Variants in RACK1 observed in about 807,000 individuals in gnomAD.
RACK1 encodes small ribosomal subunit protein RACK1.
Under a neutral mutation model 42.2 loss-of-function variants are expected in RACK1, and 3 were observed. That is an observed-to-expected ratio of 0.07 (90% confidence interval 0.03 to 0.18). The LOEUF (loss-of-function observed/expected upper bound fraction) is 0.18. RACK1 is among the 10% of genes least tolerant of loss of function. The probability of loss-of-function intolerance (pLI) is 1.00; values close to 1 mark genes in which losing one functional copy is unlikely to be tolerated. For synonymous variants in RACK1, 181 were observed against 154.8 expected (o/e 1.17, Z -1.25); for missense variants, 146 against 403.2 (o/e 0.36, Z 5.46).
intron 4 of RACK1, 154 bp downstream of exon 4, chr5:181,239,333 A>G (rs1438212552): frequency 5.2e-6 from 4 of 763,712 alleles, no homozygotes; most frequent in African/African-American, 5.1e-5. Flanking sequence ...CACATATCCA[A>G]TGCAGTGTGC....
rs1759453723 is a variant in RACK1, at chr5:181,243,898, GAA to G, written c.-100_-99del. The G allele has an allele frequency of 6.9e-7, 1 of 1,452,652 alleles. No individual in the cohort carries two copies. Among genetic ancestry groups the G allele is most frequent in the Non-Finnish European group, 9.1e-7 (1 of 1,102,034 alleles). 90.0% of individuals were successfully genotyped at this position (1,452,652 alleles called of 1,614,324 possible). A position where few individuals can be genotyped will look rare whatever the true frequency, so the allele number is the denominator to read the frequency against. ...ACCTCTCCTGCCGCCGCCTTGCAGT[GAA>G]AGAGAGAGAGAAAAGCCCCCCGCCG... On this transcript the variant is annotated 5_prime_UTR_variant, in exon 1 of 8. Coordinates refer to ENST00000512805, the MANE Select transcript of RACK1 (RefSeq NM_006098.5).
intron 7 of RACK1, 35 bp downstream of exon 7, chr5:181,237,574 G>C (rs989821462): frequency 3.8e-6 from 4 of 1,054,344 alleles, no homozygotes; most frequent in African/African-American, 1.6e-5. Context: ...AAATTAACTG[G>C]AAGCAGAATC....
chr5:181,241,893 C>T lies in RACK1; in HGVS notation c.282-254G>A, dbSNP rs759787665. The T allele has an allele frequency of 3.9e-6, 3 of 766,862 alleles. No individual in the cohort carries two copies. In the South Asian group the frequency reaches 4.1e-5, roughly 10 times the overall value. The allele number at this position is 766,862 out of a possible 1,614,324, so 47.5% of individuals were successfully genotyped here. A position where few individuals can be genotyped will look rare whatever the true frequency, so the allele number is the denominator to read the frequency against. On this transcript the variant is annotated intron_variant, in intron 2 of 7. Coordinates refer to ENST00000512805, the MANE Select transcript of RACK1 (RefSeq NM_006098.5). ...AATGCCATCTGTCATCACCAGGACCCTCTAATTCCACCTGCCAATTACCTG... is the reference window on the plus strand; with the variant it reads ...AATGCCATCTGTCATCACCAGGACCTTCTAATTCCACCTGCCAATTACCTG...
At chr5:181,237,746 A>T (rs1759193722) in intron 6 of RACK1, 27 bp from the exon 7 acceptor site, 2 of 1,166,268 alleles carry the variant, frequency 1.7e-6, no homozygotes, top group Non-Finnish European at 2.5e-6. Flanking sequence ...AAGCAACCTT[A>T]AGACTTACCA....
intron 3 of RACK1, 33 bp downstream of exon 3, chr5:181,241,459 G>A: frequency 2.6e-6 from 4 of 1,533,760 alleles, no homozygotes; most frequent in Non-Finnish European, 2.7e-6. Flanking sequence ...GTTTAAGAGG[G>A]TGGAAGAGAT....
Position 181,238,173 on chromosome 5 carries a change from T to A in RACK1, c.703A>T (p.Ile235Phe). 1 of 1,614,140 alleles carries A rather than the reference T, an allele frequency of 6.2e-7. No homozygotes were observed. Among genetic ancestry groups the A allele is most frequent in the Non-Finnish European group, 8.5e-7 (1 of 1,180,010 alleles). ...GGGCTGAAGCACAGGGCGTTGATGA[T>A]GTCCCCACCATCTAGCGTGTAAAGG... ...KHLYTLDGGD[I>F]INALCFSPNR... The change falls in exon 6 of 8, where the codon ATC (isoleucine) becomes TTC (phenylalanine). Residue 235 changes from isoleucine to phenylalanine, a missense_variant. By Grantham distance (21) the Ile-to-Phe change is conservative. Transcript: ENST00000512805.
chr5:181,238,764 A>C (rs1582293684), intron 5 of RACK1: 1 of 390,416 alleles, frequency 2.6e-6, no homozygotes, highest in South Asian at 2.1e-5. Context: ...GCGCCACTGC[A>C]CTCCAGCCTT....
At chr5:181,237,104 T>C in intron 7 of RACK1, 62 bp from the exon 8 acceptor site, 1 of 1,606,178 alleles carries the variant, frequency 6.2e-7, no homozygotes, top group Non-Finnish European at 8.5e-7. Flanking sequence ...CTCACTAGAT[T>C]CAGCCCAAGT....
At chr5:181,241,257 T>C (rs1003757839) in intron 3 of RACK1, 6 of 439,044 alleles carry the variant, frequency 1.4e-5, no homozygotes, top group East Asian at 1.2e-4. Flanking sequence ...GGTGAAACCC[T>C]GTCTCTACTA....
rs566222261 is a variant in RACK1 at position 181,243,622 on chromosome 5, A to G, written c.109+70T>C. 8 of 1,518,720 alleles carry G rather than the reference A, an allele frequency of 5.3e-6. No individual in the cohort carries two copies. The East Asian group carries it at 2.0e-4, about 38-fold the overall frequency. The allele number at this position is 1,518,720 out of a possible 1,614,324, so 94.1% of individuals were successfully genotyped here. ...ACCGGCCTGCCACACCACACGCGGA[A>G]TTCCCTACACGACACGCGGAATCCC... On this transcript the variant is annotated intron_variant, in intron 1 of 7. Coordinates refer to ENST00000512805, the MANE Select transcript of RACK1 (RefSeq NM_006098.5).
rs1554104713 is a variant in RACK1 at position 181,241,779 on chromosome 5, C to CT, written c.282-141dup. ...TGGCTCTGATCACAGAGTCAAGTGA[C>CT]TGAGTATATGAAAGAGAAGAGCCAA... On this transcript the variant is annotated intron_variant, in intron 2 of 7. Transcript: ENST00000512805. 8.6e-5 allele frequency: 79 copies of CT among 914,658 alleles called. No homozygotes were observed. In the East Asian group the frequency reaches 1.9e-3, roughly 22 times the overall value. The allele number at this position is 914,658 out of a possible 1,614,324, so 56.7% of individuals were successfully genotyped here. A position where few individuals can be genotyped will look rare whatever the true frequency, so the allele number is the denominator to read the frequency against.
chr5:181,239,221 T>A, intron 4 of RACK1, 44 bp from the exon 5 acceptor site: 3 of 1,276,432 alleles, frequency 2.4e-6, no homozygotes, highest in Non-Finnish European at 3.4e-6. Context: ...TAGCTCTTGA[T>A]GAGCTAGGGT....
rs566974563 is a variant in RACK1 at position 181,237,097 on chromosome 5, A to G, written c.889-55T>C. The G allele has an allele frequency of 3.7e-6, 6 of 1,608,888 alleles. 1 individual carries two copies. The South Asian group carries it at 6.7e-5, about 18-fold the overall frequency. On this transcript the variant is annotated intron_variant, in intron 7 of 7. Coordinates refer to ENST00000512805, the MANE Select transcript of RACK1 (RefSeq NM_006098.5). ...AGGCTGGCATAAATTCTGCAGTCTCACTAGATTCAGCCCAAGTGGCTTTTT... is the reference window on the plus strand; with the variant it reads ...AGGCTGGCATAAATTCTGCAGTCTCGCTAGATTCAGCCCAAGTGGCTTTTT...
intron 3 of RACK1, among the ~76,000 whole-genome samples, chr5:181,240,795 T>TA (rs1310388270): frequency 5.9e-5 from 9 of 152,172 alleles, no homozygotes; most frequent in Admixed American, 1.3e-4. Flanking sequence ...ACCAGAGAGC[T>TA]AGGATTACAG....
intron 2 of RACK1, 69 bp from the exon 3 acceptor site, chr5:181,241,708 T>G: frequency 6.5e-7 from 1 of 1,542,628 alleles, no homozygotes; most frequent in Non-Finnish European, 8.9e-7. Flanking sequence ...ACTCATTTCC[T>G]GGGCTTTGTC....
chr5:181,243,813 A>G lies in RACK1; in HGVS notation c.-13T>C. The G allele has an allele frequency of 6.3e-7, 1 of 1,594,858 alleles. No individual in the cohort carries two copies. ...TCTGCTCAGTCATGGCGGCGGCGAG[A>G]GCGTGTGTCGCTGCAGCGACGAGGA... On this transcript the variant is annotated 5_prime_UTR_variant, in exon 1 of 8. Coordinates refer to ENST00000512805, the MANE Select transcript of RACK1 (RefSeq NM_006098.5).
At chr5:181,238,437 ACCCCT>A (rs1318333879) in intron 5 of RACK1, 198 bp from the exon 6 acceptor site, 5 of 546,070 alleles carry the variant, frequency 9.2e-6, no homozygotes, top group Non-Finnish European at 1.6e-5. Flanking sequence ...CCATCAAAAA[ACCCCT>A]CCCAACTTAC....
chr5:181,238,165 G>A lies in RACK1; in HGVS notation c.711C>T (p.Asn237=), dbSNP rs771671631. Residue 237 remains asparagine, a synonymous_variant, in exon 6 of 8, where the codon AAC becomes AAT. Transcript: ENST00000512805. ...LYTLDGGDII[N]ALCFSPNRYW... is the part of the protein sequence containing the mutation. ...AGCGGTTAGGGCTGAAGCACAGGGC[G>A]TTGATGATGTCCCCACCATCTAGCG... is the stretch of plus-strand genomic sequence containing the variant. The A allele has an allele frequency of 3.0e-5, 49 of 1,613,962 alleles. No homozygotes were observed. The highest frequency in any genetic ancestry group is 5.3e-5 in the African/African-American group (4 of 74,912).
intron 3 of RACK1, chr5:181,240,601 C>G (rs1320889367): frequency 6.6e-6 from 1 of 152,198 alleles, no homozygotes; most frequent in African/African-American, 2.4e-5. Context: ...CACCTTTTCA[C>G]CGCCCCCCAC....
Sources: gnomAD v4.1 joint callset for allele counts (sites outside exome capture counted in the v4.1 genomes callset) on GRCh38, gnomAD v4.1.1 for gene constraint, MANE v1.5 for transcripts, NCBI Gene and HGNC (gene_info 2026-07-23, HGNC 2026-07-21) for gene names.